Variants in DPP6 observed in about 807,000 individuals in gnomAD.
The protein encoded by DPP6 is A-type potassium channel modulatory protein DPP6.
DPP6 carries 69 observed loss-of-function variants against 122.6 expected under a neutral mutation model. The ratio of observed to expected loss-of-function variants is 0.56; its 90% CI spans 0.46 to 0.69. The LOEUF (loss-of-function observed/expected upper bound fraction) is 0.69, where lower values mean the gene tolerates loss of function less well. Ranked by LOEUF, DPP6 falls within the 30% of genes least tolerant of loss-of-function variation. DPP6 has a pLI of 0.00. For synonymous variants in DPP6, 418 were observed against 433.1 expected, an observed-to-expected ratio of 0.97 and a Z score of 0.43; for missense variants, 928 against 1,116.9, an observed-to-expected ratio of 0.83 and a Z score of 2.41.
intron 1 of DPP6, among the ~76,000 whole-genome samples, chr7:154,398,987 C>A (rs1304512389): frequency 6.6e-6 from 1 of 152,148 alleles, no homozygotes; most frequent in African/African-American, 2.4e-5. Context: ...CCAATGACGC[C>A]TTTATGTAAG....
the DPP6 span, among the ~76,000 whole-genome samples, chr7:153,828,021 T>G: frequency 6.6e-6 from 1 of 152,180 alleles, no homozygotes; most frequent in African/African-American, 2.4e-5. Context: ...GATGAGCTTC[T>G]TTGCTTCTGG....
chr7:154,067,773 C>T (rs1802833886), intron 1 of DPP6, among the ~76,000 whole-genome samples: 1 of 152,092 alleles, frequency 6.6e-6, no homozygotes, highest in South Asian at 2.1e-4. Context: ...GCAGTGAGAT[C>T]TGGCTCTGCC....
chr7:154,300,514 C>G (rs527716244), intron 1 of DPP6, among the ~76,000 whole-genome samples: 3 of 152,332 alleles, frequency 2.0e-5, no homozygotes, highest in African/African-American at 7.2e-5. Flanking sequence ...CTGCCTGTTT[C>G]TTAGCAGAAG....
At chr7:154,685,828 T>A (rs2171613) in intron 7 of DPP6, among the ~76,000 whole-genome samples, 127,375 of 152,210 alleles carry the variant, frequency 0.84, 53,529 homozygotes, top group South Asian at 0.93. Flanking sequence ...GTGATAAAAT[T>A]ATTTTGTTTT....
intron 1 of DPP6, among the ~76,000 whole-genome samples, chr7:153,941,670 T>C (rs573677793): frequency 6.6e-6 from 1 of 152,344 alleles, no homozygotes; most frequent in South Asian, 2.1e-4. Flanking sequence ...TCTGAGTCTT[T>C]TTCAGAAACG....
chr7:154,169,621 A>C (rs1039144162), intron 1 of DPP6, among the ~76,000 whole-genome samples: 3 of 152,236 alleles, frequency 2.0e-5, no homozygotes, highest in African/African-American at 7.2e-5. Context: ...TACAAGGTAG[A>C]TGCTTCATTA....
chr7:153,825,087 C>T, the DPP6 span, among the ~76,000 whole-genome samples: 2 of 152,052 alleles, frequency 1.3e-5, no homozygotes, highest in Non-Finnish European at 2.9e-5. Flanking sequence ...GTTGTGACAC[C>T]CCATCTGTTT....
intron 8 of DPP6, among the ~76,000 whole-genome samples, chr7:154,750,809 G>C (rs1046245774): frequency 6.6e-6 from 1 of 152,238 alleles, no homozygotes; most frequent in African/African-American, 2.4e-5. Flanking sequence ...AAGCAGTTGG[G>C]AATCGAGGCA....
intron 1 of DPP6, among the ~76,000 whole-genome samples, chr7:154,123,237 C>T (rs1807627556): frequency 6.6e-6 from 1 of 152,180 alleles, no homozygotes; most frequent in Non-Finnish European, 1.5e-5. Context: ...CTGCCTGAGC[C>T]TTGTACTTCT....
chr7:153,868,064 T>G, the DPP6 span, among the ~76,000 whole-genome samples: 2 of 152,318 alleles, frequency 1.3e-5, no homozygotes, highest in East Asian at 3.9e-4. Context: ...AGTATTTTAT[T>G]GAGGATTTTT....
chr7:154,610,965 C>T (rs991744886), intron 5 of DPP6, among the ~76,000 whole-genome samples: 1 of 152,146 alleles, frequency 6.6e-6, no homozygotes, highest in African/African-American at 2.4e-5. Flanking sequence ...TTTCCTCACT[C>T]TCAGTATAAA....
chr7:154,127,654 C>CACAG lies in DPP6; in HGVS notation c.243+74594_243+74595insGACA, dbSNP rs1563226073. Among the ~76,000 whole-genome samples, 1,255 of 140,596 alleles carry CACAG rather than the reference C, an allele frequency of 8.9e-3. 19 individuals are homozygous for CACAG. The highest frequency in any genetic ancestry group is 0.031 in the African/African-American group (1,164 of 37,390). 92.2% of individuals were successfully genotyped at this position (140,596 alleles called of 152,430 possible). On this transcript the variant is annotated intron_variant, in intron 1 of 25. Coordinates refer to ENST00000377770, the MANE Select transcript of DPP6 (RefSeq NM_130797.4). The stretch of plus-strand genomic sequence containing the variant: ...ACACAGACACACACACACACACAGA[C>CACAG]ACACACACACACACACACACACAAA...
At chr7:154,441,273 A>AG (rs887225134) in intron 1 of DPP6, among the ~76,000 whole-genome samples, 1 of 152,198 alleles carries the variant, frequency 6.6e-6, no homozygotes, top group Non-Finnish European at 1.5e-5. Flanking sequence ...TTCTTTATAA[A>AG]GAGTAGGAAA....
intron 1 of DPP6, among the ~76,000 whole-genome samples, chr7:154,140,147 C>T (rs1417610381): frequency 6.6e-6 from 1 of 152,144 alleles, no homozygotes; most frequent in Non-Finnish European, 1.5e-5. Context: ...TTTAAATGTG[C>T]ACTCAAGGAG....
rs542201587 is a variant in DPP6 at position 154,483,204 on chromosome 7, C to T, written c.457+8167C>T. On this transcript the variant is annotated intron_variant, in intron 3 of 25. Transcript: ENST00000377770. The surrounding 1 kb of genome is among the most constrained non-coding windows in gnomAD (Gnocchi z 8.1). ...TCAAGGCAGGAGAAAATGCTCTAGG[C>T]GAGTTAGTGTGCTGCCGATTTTGTA... Among the ~76,000 whole-genome samples the T allele has an allele frequency of 3.4e-4, 51 of 151,956 alleles. No individual in the cohort carries two copies. In the South Asian group the frequency reaches 7.7e-3, roughly 23 times the overall value.
chr7:154,057,841 G>T (rs1354166029), intron 1 of DPP6: 2 of 150,148 alleles, frequency 1.3e-5, no homozygotes, highest in Non-Finnish European at 2.9e-5. Flanking sequence ...ATGGCAGCTG[G>T]ACTTTTAACC....
Position 154,785,935 on chromosome 7 carries a change from C to A in DPP6, c.1137-8144C>A, listed in dbSNP as rs560640877. 1.6e-3 allele frequency among the ~76,000 whole-genome samples: 240 copies of A among 152,220 alleles called. 1 individual carries two copies. Among genetic ancestry groups the A allele is most frequent in the African/African-American group, 5.6e-3 (231 of 41,534 alleles). On this transcript the variant is annotated intron_variant, in intron 10 of 25. Coordinates refer to ENST00000377770, the MANE Select transcript of DPP6 (RefSeq NM_130797.4). ...TCTCTCTCCTTTTTTCAAATCCTCT[C>A]AGCTATTCTGTTGCATTGCCCTTTT...
chr7:154,429,793 G>A (rs970726240), intron 1 of DPP6, among the ~76,000 whole-genome samples: 5 of 152,130 alleles, frequency 3.3e-5, no homozygotes, highest in African/African-American at 9.7e-5. Flanking sequence ...CAGCGAGGCC[G>A]GTGAAACACA....
intron 8 of DPP6, among the ~76,000 whole-genome samples, chr7:154,756,982 C>A: frequency 6.6e-6 from 1 of 151,128 alleles, no homozygotes. Flanking sequence ...GCCCCTTCTC[C>A]ATCCCTCACG....
Sources: gnomAD v4.1 joint callset for allele counts (sites outside exome capture counted in the v4.1 genomes callset) on GRCh38, gnomAD v4.1.1 for gene constraint, Gnocchi (gnomAD v3.1) non-coding constraint, MANE v1.5 for transcripts, NCBI Gene and HGNC (gene_info 2026-07-23, HGNC 2026-07-21) for gene names.